SDK1: variants seen among roughly 807,000 people sequenced by gnomAD.
SDK1 encodes the protein sidekick cell adhesion molecule 1.
In SDK1, 157 loss-of-function variants were observed where a neutral mutation model predicts 245.5. The observed-to-expected ratio is 0.64, with a 90% confidence interval of 0.56 to 0.73. SDK1 has a LOEUF of 0.73. Ranked by LOEUF, SDK1 falls within the 30% of genes least tolerant of loss-of-function variation. The pLI is 0.00. For missense variants in SDK1, 3,583 were observed against 3,002.3 expected (o/e 1.19, Z -4.52); for synonymous variants, 1,647 against 1,278.5 (o/e 1.29, Z -6.15).
chr7:3,449,401 G>A (rs1780444411), intron 1 of SDK1, among the ~76,000 whole-genome samples: 1 of 151,108 alleles, frequency 6.6e-6, no homozygotes, highest in Non-Finnish European at 1.5e-5. Context: ...ATGTTTATTG[G>A]ATTTAGCTGC....
intron 13 of SDK1, among the ~76,000 whole-genome samples, chr7:3,982,295 T>C (rs1362547840): frequency 6.6e-6 from 1 of 152,336 alleles, no homozygotes; most frequent in East Asian, 1.9e-4. Flanking sequence ...TTACTGCTTA[T>C]GGACAGTGCA....
chr7:4,105,816 G>T (rs538672693), intron 22 of SDK1, among the ~76,000 whole-genome samples: 6 of 152,310 alleles, frequency 3.9e-5, no homozygotes, highest in Admixed American at 1.3e-4. Context: ...GAGAGGAGGG[G>T]TGGAAGGAGC....
At chr7:3,901,250 G>A (rs150055323) in intron 5 of SDK1, among the ~76,000 whole-genome samples, 4,895 of 151,636 alleles carry the variant, frequency 0.032, 127 homozygotes, top group Non-Finnish European at 0.044. Flanking sequence ...GTGGTGGCAC[G>A]ATCTCAGCTC....
At chr7:3,983,535 A>C (rs1445480556) in intron 13 of SDK1, among the ~76,000 whole-genome samples, 2 of 152,218 alleles carry the variant, frequency 1.3e-5, no homozygotes, top group African/African-American at 2.4e-5. Context: ...ATGCTATTGC[A>C]CACTTAATAG....
intron 1 of SDK1, among the ~76,000 whole-genome samples, chr7:3,510,457 G>A (rs1052203368): frequency 3.3e-5 from 5 of 152,140 alleles, no homozygotes; most frequent in East Asian, 1.9e-4. Context: ...AATCACTGAC[G>A]TGAGGCGGAT....
chr7:4,074,880 C>G lies in SDK1; in HGVS notation c.3011-2118C>G, dbSNP rs1354103405. The stretch of plus-strand genomic sequence containing the variant: ...TTTCTCTCTCTCTCTCTCTCTCTCT[C>G]TCTCTGTATATATATATATATATAT... On this transcript the variant is annotated intron_variant, in intron 20 of 44. Transcript: ENST00000404826. 4.3e-3 allele frequency among the ~76,000 whole-genome samples: 378 copies of G among 87,338 alleles called. 12 individuals are homozygous for G. The highest frequency in any genetic ancestry group is 0.025 in the African/African-American group (331 of 13,044). The allele number at this position is 87,338 out of a possible 152,430, so 57.3% of individuals were successfully genotyped here. A position where few individuals can be genotyped will look rare whatever the true frequency, so the allele number is the denominator to read the frequency against.
chr7:3,475,043 C>T (rs941073865), intron 1 of SDK1, among the ~76,000 whole-genome samples: 1 of 152,150 alleles, frequency 6.6e-6, no homozygotes, highest in South Asian at 2.1e-4. Context: ...TGGTACTCTC[C>T]CGTCCATTTT....
intron 5 of SDK1, among the ~76,000 whole-genome samples, chr7:3,940,897 C>G (rs1780342412): frequency 6.6e-6 from 1 of 152,110 alleles, no homozygotes; most frequent in African/African-American, 2.4e-5. Context: ...ACTCCTCACA[C>G]TCTCATGGAG....
intron 1 of SDK1, among the ~76,000 whole-genome samples, chr7:3,521,159 A>G (rs1377401312): frequency 6.6e-6 from 1 of 152,152 alleles, no homozygotes; most frequent in Non-Finnish European, 1.5e-5. Context: ...GAGGCTGCTC[A>G]CATCCCTTCG....
chr7:3,727,841 G>A (rs1779057019), intron 4 of SDK1, among the ~76,000 whole-genome samples: 1 of 152,046 alleles, frequency 6.6e-6, no homozygotes, highest in Admixed American at 6.6e-5. Flanking sequence ...ACCAAGCGAG[G>A]TCCACCGTTT....
intron 16 of SDK1, among the ~76,000 whole-genome samples, chr7:4,014,735 G>T (rs1437058368): frequency 6.6e-6 from 1 of 152,158 alleles, no homozygotes; most frequent in Admixed American, 6.5e-5. Flanking sequence ...GTTTATTTTT[G>T]TATAAAAAAT....
intron 1 of SDK1, among the ~76,000 whole-genome samples, chr7:3,340,357 T>C (rs982822611): frequency 6.6e-6 from 1 of 152,196 alleles, no homozygotes; most frequent in Non-Finnish European, 1.5e-5. Context: ...ACAGTAATTG[T>C]TGCTAGAAAA....
chr7:4,016,253 G>T (rs1278592654), intron 16 of SDK1, among the ~76,000 whole-genome samples: 1 of 152,246 alleles, frequency 6.6e-6, no homozygotes, highest in Non-Finnish European at 1.5e-5. Context: ...TGCCACTCAA[G>T]TGTGGGACTG....
chr7:4,093,843 C>G (rs1263059802), intron 22 of SDK1, among the ~76,000 whole-genome samples: 1 of 152,202 alleles, frequency 6.6e-6, no homozygotes, highest in Non-Finnish European at 1.5e-5. Context: ...AGGCACTCAC[C>G]TGCGAGGACA....
chr7:3,698,500 C>G (rs61679930), intron 4 of SDK1, among the ~76,000 whole-genome samples: 8,739 of 152,146 alleles, frequency 0.057, 837 homozygotes, highest in African/African-American at 0.2. Context: ...TGACAAGGGC[C>G]CTCCTCACTC....
chr7:3,993,247 CTG>C (rs1475374745), intron 14 of SDK1, among the ~76,000 whole-genome samples: 1 of 152,230 alleles, frequency 6.6e-6, no homozygotes, highest in East Asian at 1.9e-4. Context: ...AGTTCTCAAA[CTG>C]AGCCTCTGCG....
chr7:3,309,027 A>G (rs1779486874), intron 1 of SDK1, among the ~76,000 whole-genome samples: 1 of 152,074 alleles, frequency 6.6e-6, no homozygotes, highest in African/African-American at 2.4e-5. Context: ...ATTAGAATAT[A>G]TTTCAGTTTT....
chr7:3,640,186 TTC>T (rs1319425583), intron 3 of SDK1, among the ~76,000 whole-genome samples: 2 of 152,218 alleles, frequency 1.3e-5, no homozygotes, highest in Non-Finnish European at 2.9e-5. Flanking sequence ...TTACCAAAAT[TTC>T]TCTTTGTTTA....
intron 1 of SDK1, among the ~76,000 whole-genome samples, chr7:3,417,793 C>T (rs886767136): frequency 2.0e-5 from 3 of 152,042 alleles, no homozygotes; most frequent in Non-Finnish European, 2.9e-5. Flanking sequence ...TGTCCAGCAG[C>T]GACATAGACT....
Sources: gnomAD v4.1 joint callset for allele counts (sites outside exome capture counted in the v4.1 genomes callset) on GRCh38, gnomAD v4.1.1 for gene constraint, MANE v1.5 for transcripts, NCBI Gene and HGNC (gene_info 2026-07-23, HGNC 2026-07-21) for gene names.